ATP1A4: variants seen among roughly 807,000 people sequenced by gnomAD.
The protein encoded by ATP1A4 is ATPase Na+/K+ transporting subunit alpha 4.
A neutral mutation model predicts 114.3 loss-of-function variants in ATP1A4; 90 were observed. The ratio of observed to expected loss-of-function variants is 0.79; its 90% confidence interval spans 0.66 to 0.94. ATP1A4 has a LOEUF of 0.94. Among genes scored for constraint, ATP1A4 ranks in the 40% least tolerant of loss-of-function variants. The pLI, the probability that ATP1A4 is intolerant of heterozygous loss-of-function variation, is 0.00. For missense variants in ATP1A4, 1,222 were observed against 1,313.6 expected (o/e 0.93, Z 1.08); for synonymous variants, 511 against 494.1 (o/e 1.03, Z -0.45).
Position 160,167,372 on chromosome 1 carries a change from A to C in ATP1A4, c.1451A>C (p.Lys484Thr). The C allele has an allele frequency of 1.2e-6, 2 of 1,612,112 alleles. No homozygotes were observed. The highest frequency in any genetic ancestry group is 1.7e-6 in the Non-Finnish European group (2 of 1,179,566). The change falls in exon 10 of 22, where the codon AAG (lysine) becomes ACG (threonine). Residue 484 changes from lysine (K) to threonine (T), a missense_variant. Lys to Thr is a moderately conservative substitution (Grantham distance 78). Transcript: ENST00000368081. The part of the protein sequence containing the change: ...SVAEMREKNP[K>T]VAEIPFNSTN... ...GCGGAGATGAGAGAGAAAAACCCCA[A>C]GGTGGCAGAGATTCCCTTTAATTCT...
rs932597027 is a variant in ATP1A4 at position 160,174,813 on chromosome 1, C to A, written c.2311+66C>A. 1.3e-5 allele frequency: 20 copies of A among 1,594,300 alleles called. No individual in the cohort carries two copies. The African/African-American group carries it at 1.3e-4, about 11-fold the overall frequency. On this transcript the variant is annotated intron_variant, in intron 15 of 21. Coordinates refer to ENST00000368081, the MANE Select transcript of ATP1A4 (RefSeq NM_144699.4). ...GACTCAGGTGGGGGTTGGTGTACAT[C>A]CCCTCTTTCCGTTTTCCCATCATCC... is the stretch of plus-strand genomic sequence containing the variant.
At chr1:160,157,963 A>G (rs543533395) in intron 4 of ATP1A4, among the ~76,000 whole-genome samples, 4 of 152,314 alleles carry the variant, frequency 2.6e-5, no homozygotes, top group South Asian at 2.1e-4. Context: ...CATTTTCCCT[A>G]TAATATGATC....
Position 160,156,034 on chromosome 1 carries a change from C to T in ATP1A4, c.412-11C>T. 3 of 1,568,680 alleles carry T rather than the reference C, an allele frequency of 1.9e-6. No homozygotes were observed. The highest frequency in any genetic ancestry group is 2.6e-6 in the Non-Finnish European group (3 of 1,138,776). On this transcript the variant is annotated splice_polypyrimidine_tract_variant and intron_variant, in intron 3 of 21. Transcript: ENST00000368081. ...GTCCCACTGATAAACGCTTTCTTTC[C>T]CCACCCTCAGCTCTACCTGAGCATC...
At position 160,166,741 on chromosome 1, in the gene ATP1A4, T is replaced by C; in HGVS notation, c.1246+15T>C. The C allele has an allele frequency of 6.2e-7, 1 of 1,614,090 alleles. No homozygotes were observed. The highest frequency in any genetic ancestry group is 8.5e-7 in the Non-Finnish European group (1 of 1,179,956). On this transcript the variant is annotated intron_variant, in intron 8 of 21. Transcript: ENST00000368081. ...AGAACAGACTGGTGACTAGTGGTAT[T>C]GGTGGAACAAGAGTGGAGGGATTTG...
intron 4 of ATP1A4, among the ~76,000 whole-genome samples, chr1:160,158,437 T>C (rs1983724): frequency 0.59 from 89,885 of 151,990 alleles, 26,829 homozygotes; most frequent in Admixed American, 0.65. Flanking sequence ...AGCGTAGTGA[T>C]GTGATCACGG....
intron 20 of ATP1A4, among the ~76,000 whole-genome samples, chr1:160,185,169 G>A (rs1456785469): frequency 1.3e-5 from 2 of 150,822 alleles, no homozygotes; most frequent in Non-Finnish European, 2.9e-5. Context: ...CTGGAGTGCA[G>A]TGGTGCGATC....
intron 10 of ATP1A4, 190 bp from the exon 11 acceptor site, chr1:160,171,061 G>A (rs1653235580): frequency 1.9e-6 from 1 of 520,748 alleles, no homozygotes; most frequent in Non-Finnish European, 3.4e-6. Context: ...ATAATACCAG[G>A]CTGCAGTTTT....
At chr1:160,180,027 T>C (rs1298696013) in intron 18 of ATP1A4, among the ~76,000 whole-genome samples, 4 of 152,116 alleles carry the variant, frequency 2.6e-5, no homozygotes, top group East Asian at 1.9e-4. Context: ...GACAACATCA[T>C]TGGAGGAGAT....
At chr1:160,160,830 T>C (rs1652841913) in intron 6 of ATP1A4, among the ~76,000 whole-genome samples, 1 of 151,860 alleles carries the variant, frequency 6.6e-6, no homozygotes. Flanking sequence ...TGAGAAAGAA[T>C]CCAACTAGAA....
intron 20 of ATP1A4, among the ~76,000 whole-genome samples, chr1:160,182,284 G>C (rs910885403): frequency 6.6e-6 from 1 of 152,210 alleles, no homozygotes; most frequent in African/African-American, 2.4e-5. Flanking sequence ...GTGTTTAACA[G>C]AGTGAAATCT....
rs541026512 is a variant in ATP1A4 at position 160,152,417 on chromosome 1, T to C, written c.147+230T>C. Among the ~76,000 whole-genome samples, 454 of 151,588 alleles carry C rather than the reference T, an allele frequency of 3.0e-3. 1 individual carries two copies. The highest frequency in any genetic ancestry group is 0.011 in the African/African-American group (441 of 41,284). ...TGCAGACACCTGTGGAAGTGGGGGA[T>C]CAGCTTAATTCCACAGTCCACTGCC... On this transcript the variant is annotated intron_variant, in intron 1 of 21. Coordinates refer to ENST00000368081, the MANE Select transcript of ATP1A4 (RefSeq NM_144699.4).
rs771931983 is a variant in ATP1A4 at position 160,171,685 on chromosome 1, C to G, written c.1782C>G (p.Leu594=). The G allele has an allele frequency of 1.2e-5, 20 of 1,614,170 alleles. No individual in the cohort carries two copies. The highest frequency in any genetic ancestry group is 1.5e-5 in the Non-Finnish European group (18 of 1,180,042). Residue 594 remains leucine, a synonymous_variant, in exon 12 of 22, where the codon CTC becomes CTG. Transcript: ENST00000368081. The part of the protein sequence containing the change: ...FPMDNLCFVG[L]ISMIDPPRAA... Reference sequence around the variant, plus strand: ...TGGACAACCTTTGTTTTGTGGGCCTCATATCCATGATTGACCCTCCCCGAG... The same window carrying G: ...TGGACAACCTTTGTTTTGTGGGCCTGATATCCATGATTGACCCTCCCCGAG...
At chr1:160,159,369 C>T (rs1366444304) in intron 5 of ATP1A4, 40 bp from the exon 6 acceptor site, 20 of 1,535,324 alleles carry the variant, frequency 1.3e-5, no homozygotes, top group East Asian at 2.3e-5. Context: ...TGCCTTTTTT[C>T]CTATGCTCAC....
chr1:160,173,147 CAGAA>C (rs2101645624), intron 12 of ATP1A4, among the ~76,000 whole-genome samples: 1 of 152,280 alleles, frequency 6.6e-6, no homozygotes, highest in South Asian at 2.1e-4. Flanking sequence ...GGTGAGGCCA[CAGAA>C]AGAAGAAAGG....
intron 4 of ATP1A4, among the ~76,000 whole-genome samples, chr1:160,157,617 A>G (rs1652714731): frequency 6.6e-6 from 1 of 152,192 alleles, no homozygotes; most frequent in African/African-American, 2.4e-5. Context: ...GTGGTTGTTT[A>G]AGACAATATC....
chr1:160,177,363 G>A (rs1653508564), intron 17 of ATP1A4, 156 bp from the exon 18 acceptor site: 3 of 671,098 alleles, frequency 4.5e-6, no homozygotes, highest in South Asian at 4.1e-5. Context: ...GAGATAACAG[G>A]CTTAGGCAGC....
chr1:160,155,371 A>G, intron 3 of ATP1A4, 123 bp downstream of exon 3: 1 of 576,390 alleles, frequency 1.7e-6, no homozygotes, highest in Non-Finnish European at 3.0e-6. Context: ...TATTACATTA[A>G]TGTAATAATG....
At chr1:160,166,771 A>T (rs1475313397) in intron 8 of ATP1A4, 45 bp downstream of exon 8, 26 of 1,610,852 alleles carry the variant, frequency 1.6e-5, no homozygotes, top group Non-Finnish European at 2.2e-5. Context: ...GATTTGGGGG[A>T]TGTGATGAGT....
Position 160,177,500 on chromosome 1 carries a change from G to C in ATP1A4, c.2591-19G>C. 1.2e-6 allele frequency: 2 copies of C among 1,613,110 alleles called. No individual in the cohort carries two copies. Among genetic ancestry groups the C allele is most frequent in the Non-Finnish European group, 1.7e-6 (2 of 1,179,700 alleles). On this transcript the variant is annotated intron_variant, in intron 17 of 21. Coordinates refer to ENST00000368081, the MANE Select transcript of ATP1A4 (RefSeq NM_144699.4). ...TCTCTGAACCAGGCTCCCCTGTCCT[G>C]CAACTCTGTCATTCACAGGGATGAT...
Sources: gnomAD v4.1 joint callset for allele counts (sites outside exome capture counted in the v4.1 genomes callset) on GRCh38, gnomAD v4.1.1 for gene constraint, MANE v1.5 for transcripts, NCBI Gene and HGNC (gene_info 2026-07-23, HGNC 2026-07-21) for gene names.